The following WNT3A variants were observed in gnomAD, a reference collection of about 807,000 sequenced individuals.
WNT3A encodes the protein Wnt family member 3A.
In WNT3A, 17 loss-of-function variants were observed where a neutral mutation model predicts 37.0. The observed-to-expected ratio is 0.46, with a 90% confidence interval of 0.31 to 0.69. The LOEUF is 0.69. WNT3A is among the 30% of genes least tolerant of loss of function. The pLI, the probability that WNT3A is intolerant of heterozygous loss-of-function variation, is 0.05. For synonymous variants in WNT3A, 187 were observed against 211.0 expected (o/e 0.89, Z 0.99); for missense variants, 411 against 510.2 (o/e 0.81, Z 1.87).
intron 1 of WNT3A, among the ~76,000 whole-genome samples, chr1:228,015,638 G>A (rs1160353929): frequency 1.3e-5 from 2 of 152,154 alleles, no homozygotes; most frequent in Non-Finnish European, 2.9e-5. Context: ...AGACCTCACT[G>A]TGATCCAGAT....
At chr1:228,048,072 G>T (rs115501828) in intron 2 of WNT3A, among the ~76,000 whole-genome samples, 1 of 152,306 alleles carries the variant, frequency 6.6e-6, no homozygotes, top group African/African-American at 2.4e-5. Context: ...TGACTCTGTT[G>T]TGACCCTAAG....
intron 3 of WNT3A, among the ~76,000 whole-genome samples, chr1:228,058,046 C>T (rs769095563): frequency 2.0e-5 from 3 of 152,198 alleles, no homozygotes; most frequent in Non-Finnish European, 4.4e-5. Context: ...AGTGAGCCAC[C>T]CGCCTTGGCC....
At chr1:228,010,644 T>C (rs890617510) in intron 1 of WNT3A, among the ~76,000 whole-genome samples, 3 of 152,176 alleles carry the variant, frequency 2.0e-5, no homozygotes, top group African/African-American at 4.8e-5. Context: ...TGCTGGACTA[T>C]GGGATCCCAA....
At chr1:228,016,019 C>T (rs914352520) in intron 1 of WNT3A, among the ~76,000 whole-genome samples, 3 of 152,128 alleles carry the variant, frequency 2.0e-5, no homozygotes, top group African/African-American at 7.2e-5. Context: ...TGTCTGTGCC[C>T]GTCACCTTCT....
Position 228,059,809 on chromosome 1 carries a change from C to T in WNT3A, c.*344C>T. 1 of 1,102,810 alleles carries T rather than the reference C, an allele frequency of 9.1e-7. No individual in the cohort carries two copies. The highest frequency in any genetic ancestry group is 1.1e-6 in the Non-Finnish European group (1 of 904,972). The allele number at this position is 1,102,810 out of a possible 1,614,324, so 68.3% of individuals were successfully genotyped here. Reference sequence around the variant, plus strand: ...TCTCTTGGGTGGGACAGGGCTTCTCCTGCGGGGGCGAGGCCCCTCCCAGTA... The same window carrying T: ...TCTCTTGGGTGGGACAGGGCTTCTCTTGCGGGGGCGAGGCCCCTCCCAGTA... On this transcript the variant is annotated 3_prime_UTR_variant, in exon 4 of 4. Coordinates refer to ENST00000284523, the MANE Select transcript of WNT3A (RefSeq NM_033131.4).
chr1:228,050,594 C>T lies in WNT3A; in HGVS notation c.314-62C>T. The T allele has an allele frequency of 6.6e-7, 1 of 1,516,770 alleles. No homozygotes were observed. 94.0% of individuals were successfully genotyped at this position (1,516,770 alleles called of 1,614,324 possible). ...AATGCAAATGGGCTAAGACCCCTGA[C>T]CTGCCCAAGGCGGTCCTTTGAGCTG... On this transcript the variant is annotated intron_variant, in intron 2 of 3. Coordinates refer to ENST00000284523, the MANE Select transcript of WNT3A (RefSeq NM_033131.4). The surrounding 1 kb of genome is among the most constrained non-coding windows in gnomAD (Gnocchi z 5.0).
chr1:228,015,323 G>T (rs1352647772), intron 1 of WNT3A, among the ~76,000 whole-genome samples: 2 of 152,174 alleles, frequency 1.3e-5, no homozygotes, highest in South Asian at 4.1e-4. Context: ...GGAAGAGCAG[G>T]GTCACATTCC....
chr1:228,011,798 G>C (rs981033484), intron 1 of WNT3A, among the ~76,000 whole-genome samples: 1 of 152,198 alleles, frequency 6.6e-6, no homozygotes, highest in Non-Finnish European at 1.5e-5. Flanking sequence ...CAGGGCCCTG[G>C]GGGTGGCATT....
chr1:228,043,013 A>AGATGGATGGATGGATG lies in WNT3A; in HGVS notation c.314-7630_314-7615dup, dbSNP rs537700236. Among the ~76,000 whole-genome samples the AGATGGATGGATGGATG allele has an allele frequency of 7.7e-3, 1,151 of 149,700 alleles. 15 individuals carry two copies. The highest frequency in any genetic ancestry group is 0.027 in the African/African-American group (1,084 of 40,566). On this transcript the variant is annotated intron_variant, in intron 2 of 3. Transcript: ENST00000284523. The stretch of plus-strand genomic sequence containing the variant: ...AGAGGATGTATGATAGGTAATGGAT[A>AGATGGATGGATGGATG]GATGGATGGATGGATGGATGGATGG...
chr1:228,016,968 C>T (rs2102762599), intron 1 of WNT3A, among the ~76,000 whole-genome samples: 1 of 152,326 alleles, frequency 6.6e-6, no homozygotes, highest in South Asian at 2.1e-4. Context: ...GGCCCCACCT[C>T]CAACACTGGG....
chr1:228,016,288 G>A (rs2030530829), intron 1 of WNT3A, among the ~76,000 whole-genome samples: 1 of 152,190 alleles, frequency 6.6e-6, no homozygotes, highest in African/African-American at 2.4e-5. Context: ...GTCAGCCTTA[G>A]AATGTCCAAG....
chr1:228,023,511 A>G (rs2030781383), intron 2 of WNT3A, among the ~76,000 whole-genome samples: 2 of 152,070 alleles, frequency 1.3e-5, no homozygotes, highest in South Asian at 4.2e-4. Flanking sequence ...ATAGAAAGAC[A>G]GAGACATAAA....
chr1:228,060,460 C>A lies in WNT3A; in HGVS notation c.*995C>A. 2.3e-6 allele frequency: 1 copy of A among 440,056 alleles called. No individual in the cohort carries two copies. Among genetic ancestry groups the A allele is most frequent in the South Asian group, 2.0e-5 (1 of 49,720 alleles). 27.3% of individuals were successfully genotyped at this position (440,056 alleles called of 1,614,324 possible). On this transcript the variant is annotated 3_prime_UTR_variant, in exon 4 of 4. Transcript: ENST00000284523. ...GACCAGGGGCCCTACCTGGGGAAAG[C>A]CTGAAGGGCCTCCCAGCCCCCAACC...
chr1:228,022,624 C>T (rs1571797184), intron 1 of WNT3A, 43 bp from the exon 2 acceptor site: 1 of 1,582,736 alleles, frequency 6.3e-7, no homozygotes, highest in East Asian at 2.3e-5. Context: ...ATCTGTGTCG[C>T]TGTCCCAGCC....
intron 2 of WNT3A, 134 bp downstream of exon 2, chr1:228,023,042 T>C: frequency 7.2e-7 from 1 of 1,387,146 alleles, no homozygotes; most frequent in Non-Finnish European, 9.6e-7. Flanking sequence ...CCTTCCCGCT[T>C]ACCTCCAGGA....
rs1270502086 is a variant in WNT3A, at chr1:228,060,343, G to A, written c.*878G>A. ...CCCAACCCGTGCCCCTGGGATCCGA[G>A]GGCCCCTCTCCAAGCGCCTGGCTTT... On this transcript the variant is annotated 3_prime_UTR_variant, in exon 4 of 4. Coordinates refer to ENST00000284523, the MANE Select transcript of WNT3A (RefSeq NM_033131.4). 11 of 1,325,682 alleles carry A rather than the reference G, an allele frequency of 8.3e-6. No homozygotes were observed. Among genetic ancestry groups the A allele is most frequent in the Non-Finnish European group, 1.1e-5 (11 of 999,190 alleles). The allele number at this position is 1,325,682 out of a possible 1,614,324, so 82.1% of individuals were successfully genotyped here.
At chr1:228,018,924 G>A (rs1037622392) in intron 1 of WNT3A, among the ~76,000 whole-genome samples, 1 of 152,202 alleles carries the variant, frequency 6.6e-6, no homozygotes, top group Non-Finnish European at 1.5e-5. Flanking sequence ...CAACGAACTG[G>A]AGGGGCCCTC....
At chr1:228,035,415 G>C (rs1480829954) in intron 2 of WNT3A, among the ~76,000 whole-genome samples, 1 of 152,192 alleles carries the variant, frequency 6.6e-6, no homozygotes, top group Non-Finnish European at 1.5e-5. Flanking sequence ...GTGGGGGTGA[G>C]CAGAGCCCTC....
chr1:228,026,705 A>G (rs1197630212), intron 2 of WNT3A, among the ~76,000 whole-genome samples: 1 of 152,316 alleles, frequency 6.6e-6, no homozygotes, highest in Non-Finnish European at 1.5e-5. Context: ...AAGTGAGAAC[A>G]TAGGATATTG....
Sources: gnomAD v4.1 joint callset for allele counts (sites outside exome capture counted in the v4.1 genomes callset) on GRCh38, gnomAD v4.1.1 for gene constraint, Gnocchi (gnomAD v3.1) non-coding constraint, MANE v1.5 for transcripts, NCBI Gene and HGNC (gene_info 2026-07-23, HGNC 2026-07-21) for gene names.